ERC2: variants seen among roughly 807,000 people sequenced by gnomAD.
The protein encoded by ERC2 is ELKS/RAB6-interacting/CAST family member 2.
A neutral mutation model predicts 114.8 loss-of-function variants in ERC2; 42 were observed. That is an observed-to-expected ratio of 0.37 (90% CI 0.29 to 0.47). The LOEUF is 0.47. Ranked by LOEUF, ERC2 falls within the 20% of genes least tolerant of loss-of-function variation. The probability of loss-of-function intolerance (pLI) is 0.99; values close to 1 mark genes in which losing one functional copy is unlikely to be tolerated. For missense variants in ERC2, 939 were observed against 1,150.7 expected (o/e 0.82, Z 2.66); for synonymous variants, 454 against 425.5 (o/e 1.07, Z -0.82).
chr3:55,539,415 C>CTTTTTTTTTTTTTTTT (rs58749389), intron 17 of ERC2, among the ~76,000 whole-genome samples: 482 of 39,132 alleles, frequency 0.012, 73 homozygotes, highest in East Asian at 0.027. Context: ...TTTTTTCTTT[C>CTTTTTTTTTTTTTTTT]TTTTTTTTTT....
At chr3:55,850,271 G>A (rs375851473) in intron 14 of ERC2, among the ~76,000 whole-genome samples, 4,960 of 152,238 alleles carry the variant, frequency 0.033, 96 homozygotes, top group South Asian at 0.089. Context: ...CATCTGAAAA[G>A]ACCCTTATTC....
intron 3 of ERC2, among the ~76,000 whole-genome samples, chr3:56,265,846 T>C (rs1275062223): frequency 6.6e-6 from 1 of 151,662 alleles, no homozygotes; most frequent in Admixed American, 6.6e-5. Flanking sequence ...CTGGCCAACA[T>C]ACTGAAATCT....
intron 7 of ERC2, among the ~76,000 whole-genome samples, chr3:56,055,772 T>C (rs549397310): frequency 6.6e-6 from 1 of 152,290 alleles, no homozygotes; most frequent in East Asian, 1.9e-4. Flanking sequence ...CCCAACTTCT[T>C]GGCCAATCCC....
chr3:56,225,420 G>A (rs1054799173), intron 3 of ERC2, among the ~76,000 whole-genome samples: 1 of 152,156 alleles, frequency 6.6e-6, no homozygotes, highest in Non-Finnish European at 1.5e-5. Context: ...AGACAATAAT[G>A]TCACTGTGCC....
At chr3:56,398,782 G>A (rs1054033689) in intron 2 of ERC2, among the ~76,000 whole-genome samples, 2 of 151,950 alleles carry the variant, frequency 1.3e-5, no homozygotes, top group Non-Finnish European at 2.9e-5. Context: ...CACCACACTC[G>A]AATAATTTTG....
intron 14 of ERC2, among the ~76,000 whole-genome samples, chr3:55,747,937 T>C (rs1390196): frequency 6.6e-6 from 1 of 152,016 alleles, no homozygotes; most frequent in Admixed American, 6.6e-5. Flanking sequence ...TTACCTGAAA[T>C]TTCTGGACTC....
At chr3:55,958,633 G>A (rs2068138451) in intron 12 of ERC2, among the ~76,000 whole-genome samples, 1 of 152,210 alleles carries the variant, frequency 6.6e-6, no homozygotes, top group Non-Finnish European at 1.5e-5. Context: ...AGCACCCCTG[G>A]CCTCCCACCT....
rs1229289912 is a variant in ERC2, at chr3:56,116,871, T to TA, written c.1473+22637dup. Among the ~76,000 whole-genome samples, 2 of 152,300 alleles carry TA rather than the reference T, an allele frequency of 1.3e-5. 1 individual carries two copies. Among genetic ancestry groups the TA allele is most frequent in the South Asian group, 4.1e-4 (2 of 4,828 alleles). ...TGGGGGACCATGTTTATTTCTATTA[T>TA]AAAAAATGTATATTAATAGTGAAGA... On this transcript the variant is annotated intron_variant, in intron 6 of 17. Transcript: ENST00000288221.
intron 17 of ERC2, among the ~76,000 whole-genome samples, chr3:55,604,548 A>C (rs1172670311): frequency 6.6e-6 from 1 of 152,150 alleles, no homozygotes; most frequent in Non-Finnish European, 1.5e-5. Context: ...AGGCCAGTGC[A>C]GCATGGCACG....
chr3:56,257,978 C>T (rs1326662090), intron 3 of ERC2, among the ~76,000 whole-genome samples: 2 of 152,206 alleles, frequency 1.3e-5, no homozygotes, highest in Non-Finnish European at 2.9e-5. Flanking sequence ...CGTCCCTGTG[C>T]TTTCAGACCG....
intron 2 of ERC2, among the ~76,000 whole-genome samples, chr3:56,325,685 T>C (rs183552980): frequency 3.3e-5 from 5 of 152,318 alleles, no homozygotes; most frequent in African/African-American, 9.6e-5. Flanking sequence ...TAAAAATAAC[T>C]GACATTTGTA....
intron 12 of ERC2, chr3:55,955,274 G>A: frequency 7.2e-6 from 3 of 416,684 alleles, no homozygotes; most frequent in Non-Finnish European, 1.5e-5. Flanking sequence ...GTGTGTGTGT[G>A]TGTGTGTGTG....
chr3:56,004,339 T>A (rs1395307158), intron 10 of ERC2, among the ~76,000 whole-genome samples: 5 of 152,060 alleles, frequency 3.3e-5, no homozygotes, highest in Non-Finnish European at 7.4e-5. Context: ...TAATTTGCAA[T>A]TATGCATTAT....
chr3:56,346,719 TATAAC>T (rs2058322991), intron 2 of ERC2, among the ~76,000 whole-genome samples: 1 of 152,340 alleles, frequency 6.6e-6, no homozygotes, highest in Admixed American at 6.5e-5. Flanking sequence ...TTGCTGTTGT[TATAAC>T]AGAACACCAC....
intron 14 of ERC2, among the ~76,000 whole-genome samples, chr3:55,812,979 G>C (rs1227558568): frequency 6.6e-6 from 1 of 152,242 alleles, no homozygotes; most frequent in African/African-American, 2.4e-5. Context: ...ACGAATGAGT[G>C]CCAGGCACTG....
intron 3 of ERC2, among the ~76,000 whole-genome samples, chr3:56,232,469 T>G (rs2050690329): frequency 6.6e-6 from 1 of 152,032 alleles, no homozygotes. Flanking sequence ...ATAATTTTCC[T>G]TCTTTTATCT....
chr3:56,437,132 C>T (rs9855289), intron 1 of ERC2, among the ~76,000 whole-genome samples: 42,246 of 152,110 alleles, frequency 0.28, 6,197 homozygotes, highest in Admixed American at 0.42. Context: ...AGTAAGCAGA[C>T]GCCTTAAGCA....
chr3:56,000,128 T>C (rs2071917033), intron 10 of ERC2, among the ~76,000 whole-genome samples: 1 of 152,008 alleles, frequency 6.6e-6, no homozygotes, highest in Non-Finnish European at 1.5e-5. Context: ...GAGAGAATTG[T>C]TTGATAAATC....
At chr3:56,351,569 A>C (rs562604175) in intron 2 of ERC2, among the ~76,000 whole-genome samples, 2 of 152,226 alleles carry the variant, frequency 1.3e-5, no homozygotes, top group Non-Finnish European at 2.9e-5. Context: ...TAAGCAGCTC[A>C]TTACATGTTC....
Sources: gnomAD v4.1 joint callset for allele counts (sites outside exome capture counted in the v4.1 genomes callset) on GRCh38, gnomAD v4.1.1 for gene constraint, MANE v1.5 for transcripts, NCBI Gene and HGNC (gene_info 2026-07-23, HGNC 2026-07-21) for gene names.